XRCC4: variants seen among roughly 807,000 people sequenced by gnomAD.
The protein encoded by XRCC4 is X-ray repair cross complementing 4.
XRCC4 carries 28 observed loss-of-function variants against 39.1 expected under a neutral mutation model. The ratio of observed to expected loss-of-function variants is 0.72; its 90% CI spans 0.53 to 0.98. XRCC4 has a LOEUF of 0.98. XRCC4 is among the 50% of genes least tolerant of loss of function. The pLI, the probability that XRCC4 is intolerant of heterozygous loss-of-function variation, is 0.00. For missense variants in XRCC4, 350 were observed against 376.4 expected, an observed-to-expected ratio of 0.93 and a Z score of 0.58; for synonymous variants, 123 against 126.4, an observed-to-expected ratio of 0.97 and a Z score of 0.18.
At chr5:83,297,156 A>C (rs185847228) in intron 7 of XRCC4, among the ~76,000 whole-genome samples, 94 of 152,106 alleles carry the variant, frequency 6.2e-4, no homozygotes, top group Admixed American at 3.9e-3. Flanking sequence ...ATTTCAAAAA[A>C]TAAAACATCT....
chr5:83,113,713 G>A (rs1184420480), intron 3 of XRCC4, among the ~76,000 whole-genome samples: 3 of 151,378 alleles, frequency 2.0e-5, no homozygotes, highest in African/African-American at 7.3e-5. Flanking sequence ...TGCAAGCTCC[G>A]CCTCCTGGGT....
At chr5:83,140,039 A>G (rs1748091483) in intron 3 of XRCC4, among the ~76,000 whole-genome samples, 1 of 152,064 alleles carries the variant, frequency 6.6e-6, no homozygotes, top group Non-Finnish European at 1.5e-5. Flanking sequence ...TCTGGCTTTC[A>G]TTTTTCACAA....
intron 7 of XRCC4, among the ~76,000 whole-genome samples, chr5:83,301,124 T>C (rs575734990): frequency 1.2e-4 from 19 of 152,284 alleles, no homozygotes; most frequent in African/African-American, 4.1e-4. Context: ...CAAATGGTAT[T>C]TCTGGTTCTG....
chr5:83,126,646 T>C (rs2112462678), intron 3 of XRCC4, among the ~76,000 whole-genome samples: 1 of 152,254 alleles, frequency 6.6e-6, no homozygotes, highest in Admixed American at 6.5e-5. Flanking sequence ...CAATGCCTGG[T>C]AGAGCTGTGG....
chr5:83,324,519 A>G (rs1321201565), intron 7 of XRCC4, among the ~76,000 whole-genome samples: 1 of 152,158 alleles, frequency 6.6e-6, no homozygotes, highest in Non-Finnish European at 1.5e-5. Context: ...GTAAGAGGAA[A>G]AGTAGAAAGT....
At chr5:83,304,954 G>T (rs544325774) in intron 7 of XRCC4, among the ~76,000 whole-genome samples, 7 of 152,206 alleles carry the variant, frequency 4.6e-5, no homozygotes, top group Non-Finnish European at 8.8e-5. Context: ...TAGTTATTGG[G>T]AAGAAAAATA....
chr5:83,083,203 A>G (rs1169768879), intron 1 of XRCC4, among the ~76,000 whole-genome samples: 2 of 151,960 alleles, frequency 1.3e-5, no homozygotes, highest in South Asian at 2.1e-4. Flanking sequence ...CATATTTGTT[A>G]CATGTATTTT....
intron 7 of XRCC4, among the ~76,000 whole-genome samples, chr5:83,263,765 G>A (rs1202712725): frequency 6.6e-6 from 1 of 151,368 alleles, no homozygotes; most frequent in East Asian, 1.9e-4. Flanking sequence ...AGATGAGTAG[G>A]TTGCGAAAAT....
chr5:83,147,229 G>C (rs1246048650), intron 3 of XRCC4, among the ~76,000 whole-genome samples: 2 of 152,146 alleles, frequency 1.3e-5, no homozygotes, highest in Non-Finnish European at 2.9e-5. Flanking sequence ...TTCAAGTCCA[G>C]CCTGGGCAAC....
intron 6 of XRCC4, among the ~76,000 whole-genome samples, chr5:83,235,837 CA>C (rs1752668857): frequency 1.3e-5 from 2 of 151,716 alleles, no homozygotes; most frequent in South Asian, 4.2e-4. Context: ...TAGATTCCAC[CA>C]AAAAACTATT....
At chr5:83,214,711 C>T (rs1252467626) in intron 6 of XRCC4, among the ~76,000 whole-genome samples, 2 of 151,722 alleles carry the variant, frequency 1.3e-5, no homozygotes, top group African/African-American at 4.8e-5. Flanking sequence ...GTGTGGGCGC[C>T]TGTAGTCCCA....
the XRCC4 span, among the ~76,000 whole-genome samples, chr5:83,366,928 T>C: frequency 6.6e-6 from 1 of 152,194 alleles, no homozygotes; most frequent in Admixed American, 6.5e-5. Context: ...TTAGTTATTT[T>C]CCACACCACC....
chr5:83,113,880 C>T (rs190352607), intron 3 of XRCC4, among the ~76,000 whole-genome samples: 2 of 152,204 alleles, frequency 1.3e-5, no homozygotes, highest in South Asian at 2.1e-4. Context: ...CCCGCCTCAG[C>T]CCCCCAAAGT....
At chr5:83,295,383 C>T (rs904658824) in intron 7 of XRCC4, among the ~76,000 whole-genome samples, 1 of 152,052 alleles carries the variant, frequency 6.6e-6, no homozygotes, top group African/African-American at 2.4e-5. Flanking sequence ...TGAGAAAAGG[C>T]ACCCACGTCG....
intron 6 of XRCC4, among the ~76,000 whole-genome samples, chr5:83,246,865 T>C (rs7712061): frequency 0.023 from 3,547 of 152,296 alleles, 122 homozygotes; most frequent in African/African-American, 0.081. Flanking sequence ...GATAACTTTA[T>C]GAGGCGTACT....
At chr5:83,304,390 A>G (rs946435588) in intron 7 of XRCC4, among the ~76,000 whole-genome samples, 1 of 152,066 alleles carries the variant, frequency 6.6e-6, no homozygotes, top group Non-Finnish European at 1.5e-5. Flanking sequence ...TGAGTTAACC[A>G]GACACATGAC....
chr5:83,221,923 ATC>A (rs1295000398), intron 6 of XRCC4, among the ~76,000 whole-genome samples: 2 of 151,838 alleles, frequency 1.3e-5, no homozygotes, highest in Non-Finnish European at 2.9e-5. Flanking sequence ...GTTATGAAAT[ATC>A]TCTCGTTATC....
intron 6 of XRCC4, among the ~76,000 whole-genome samples, chr5:83,243,153 C>T (rs1312232199): frequency 6.6e-6 from 1 of 152,062 alleles, no homozygotes; most frequent in East Asian, 1.9e-4. Flanking sequence ...TGTATTACTT[C>T]AAGGGATGAG....
chr5:83,237,056 A>G (rs1752718818), intron 6 of XRCC4, among the ~76,000 whole-genome samples: 1 of 152,042 alleles, frequency 6.6e-6, no homozygotes. Flanking sequence ...CAAAAAGGCA[A>G]TAACTGATGC....
Sources: gnomAD v4.1 joint callset for allele counts (sites outside exome capture counted in the v4.1 genomes callset) on GRCh38, gnomAD v4.1.1 for gene constraint, MANE v1.5 for transcripts, NCBI Gene and HGNC (gene_info 2026-07-23, HGNC 2026-07-21) for gene names.